CDH2: variants seen among roughly 807,000 people sequenced by gnomAD.
CDH2 encodes the protein cadherin 2.
A neutral mutation model predicts 92.0 loss-of-function variants in CDH2; 17 were observed. The ratio of observed to expected loss-of-function variants is 0.18; its 90% CI spans 0.13 to 0.28. CDH2 has a LOEUF of 0.28. CDH2 is among the 10% of genes least tolerant of loss of function. The probability of loss-of-function intolerance (pLI) is 1.00; values close to 1 mark genes in which losing one functional copy is unlikely to be tolerated. For missense variants in CDH2, 862 were observed against 1,133.1 expected (o/e 0.76, Z 3.44); for synonymous variants, 419 against 415.9 (o/e 1.01, Z -0.09).
intron 1 of CDH2, among the ~76,000 whole-genome samples, chr18:28,161,779 T>C (rs2016310147): frequency 6.6e-6 from 1 of 152,058 alleles, no homozygotes; most frequent in African/African-American, 2.4e-5. Context: ...GTAAACCTCA[T>C]CCTCTACTTC....
intron 2 of CDH2, among the ~76,000 whole-genome samples, chr18:28,064,083 T>C (rs890206860): frequency 6.6e-6 from 1 of 150,726 alleles, no homozygotes; most frequent in Non-Finnish European, 1.5e-5. Context: ...TCTCCAGACA[T>C]GTCTGGATGA....
chr18:28,096,416 T>G (rs2015136163), intron 2 of CDH2, among the ~76,000 whole-genome samples: 1 of 151,964 alleles, frequency 6.6e-6, no homozygotes, highest in Non-Finnish European at 1.5e-5. Flanking sequence ...TCTTTTTTTT[T>G]TTTTTTAACA....
intron 14 of CDH2, among the ~76,000 whole-genome samples, chr18:27,982,247 A>T (rs1490497742): frequency 6.6e-6 from 1 of 152,226 alleles, no homozygotes; most frequent in Non-Finnish European, 1.5e-5. Flanking sequence ...GCTTCAGAGC[A>T]GATGGAGATT....
chr18:28,163,580 C>T (rs2016336935), intron 1 of CDH2, among the ~76,000 whole-genome samples: 1 of 152,182 alleles, frequency 6.6e-6, no homozygotes, highest in Admixed American at 6.5e-5. Context: ...AGAATGCTGA[C>T]AGCAGCAAAA....
chr18:28,165,453 A>G lies in CDH2; in HGVS notation c.60+11510T>C, dbSNP rs191587990. On this transcript the variant is annotated intron_variant, in intron 1 of 15. Transcript: ENST00000269141. ...GCTATCCTCTGGCCTCAGCCTCCCA[A>G]AGTATTGGAATTACAACTGTGAGCC... 7.0e-4 allele frequency among the ~76,000 whole-genome samples: 106 copies of G among 152,260 alleles called. 1 individual carries two copies. The highest frequency in any genetic ancestry group is 6.9e-3 in the Admixed American group (106 of 15,302).
intron 2 of CDH2, among the ~76,000 whole-genome samples, chr18:28,030,386 G>A (rs530208880): frequency 3.9e-5 from 6 of 152,158 alleles, no homozygotes; most frequent in South Asian, 2.1e-4. Flanking sequence ...ATATAGAAAT[G>A]AGGTATGAAG....
chr18:28,064,702 G>A (rs2014473774), intron 2 of CDH2, among the ~76,000 whole-genome samples: 1 of 151,182 alleles, frequency 6.6e-6, no homozygotes, highest in African/African-American at 2.4e-5. Context: ...TTTAACAAAA[G>A]TATGAACTAT....
At chr18:28,009,971 C>G (rs556674098) in intron 4 of CDH2, 99 bp from the exon 5 acceptor site, 6 of 834,842 alleles carry the variant, frequency 7.2e-6, no homozygotes, top group Non-Finnish European at 8.7e-6. Flanking sequence ...CAGCTACAAA[C>G]TTATACCATC....
intron 15 of CDH2, among the ~76,000 whole-genome samples, chr18:27,957,162 T>C (rs1465423046): frequency 5.5e-5 from 4 of 72,514 alleles, no homozygotes; most frequent in African/African-American, 1.6e-4. Context: ...AAAAGCTCAT[T>C]AAAAATATCA....
intron 1 of CDH2, among the ~76,000 whole-genome samples, chr18:28,156,616 ACAGCATGTCACCTTCCCAGGTG>A (rs1430893482): frequency 4.1e-5 from 4 of 97,704 alleles, no homozygotes; most frequent in Non-Finnish European, 6.0e-5. Flanking sequence ...CTTCCCAGGT[ACAGCATGTCACCTTCCCAGGTG>A]CAGCATGTCA....
intron 1 of CDH2, among the ~76,000 whole-genome samples, chr18:28,171,908 C>T (rs2016469876): frequency 6.6e-5 from 10 of 152,194 alleles, no homozygotes; most frequent in Admixed American, 6.5e-4. Flanking sequence ...GCCCTTGACA[C>T]TACACAAGGG....
chr18:27,965,990 G>GAAAA lies in CDH2; in HGVS notation c.2350-2473_2350-2470dup, dbSNP rs373927434. ...GCGACAGAAAGACTCTGTCTAAAAG[G>GAAAA]AAAAAAAAAAAAAAAAAAAAAAAAA... is the stretch of plus-strand genomic sequence containing the variant. On this transcript the variant is annotated intron_variant, in intron 14 of 15. Transcript: ENST00000269141. Among the ~76,000 whole-genome samples, 136 of 58,660 alleles carry GAAAA rather than the reference G, an allele frequency of 2.3e-3. 4 individuals are homozygous for GAAAA. Among genetic ancestry groups the GAAAA allele is most frequent in the African/African-American group, 8.0e-3 (109 of 13,698 alleles). 38.5% of individuals were successfully genotyped at this position (58,660 alleles called of 152,430 possible).
intron 2 of CDH2, among the ~76,000 whole-genome samples, chr18:28,102,326 A>G (rs755187385): frequency 3.9e-4 from 60 of 152,182 alleles, no homozygotes; most frequent in Non-Finnish European, 7.6e-4. Context: ...AGAATTGTTA[A>G]TAAGAAATGA....
chr18:27,994,177 C>T (rs1444479052), intron 7 of CDH2, among the ~76,000 whole-genome samples: 4 of 152,110 alleles, frequency 2.6e-5, no homozygotes, highest in Non-Finnish European at 4.4e-5. Context: ...TGATTCAAAA[C>T]CATATAGAAG....
intron 6 of CDH2, among the ~76,000 whole-genome samples, chr18:27,933,316 G>A (rs778562803): frequency 2.5e-4 from 38 of 152,060 alleles, no homozygotes; most frequent in Admixed American, 4.6e-4. Flanking sequence ...GAATATCTTG[G>A]TTCAAGAGCA....
At chr18:28,140,842 CA>C (rs2015940918) in intron 2 of CDH2, among the ~76,000 whole-genome samples, 1 of 149,788 alleles carries the variant, frequency 6.7e-6, no homozygotes, top group Admixed American at 6.7e-5. Flanking sequence ...CAAAGGTAAA[CA>C]ACTCAATTTA....
chr18:28,130,054 C>T (rs2015740655), intron 2 of CDH2, among the ~76,000 whole-genome samples: 1 of 152,126 alleles, frequency 6.6e-6, no homozygotes, highest in Non-Finnish European at 1.5e-5. Context: ...AAAACAGATA[C>T]ACAATCACCA....
At chr18:28,159,518 G>C (rs1020348453) in intron 1 of CDH2, among the ~76,000 whole-genome samples, 3 of 152,154 alleles carry the variant, frequency 2.0e-5, no homozygotes, top group African/African-American at 4.8e-5. Flanking sequence ...CCCTTTCAAA[G>C]ACTTCAGCAC....
intron 2 of CDH2, among the ~76,000 whole-genome samples, chr18:28,031,502 C>T (rs903996019): frequency 1.3e-5 from 2 of 152,098 alleles, no homozygotes; most frequent in African/African-American, 4.8e-5. Flanking sequence ...ACACACAGAA[C>T]AAAATCCTTA....
Sources: gnomAD v4.1 joint callset for allele counts (sites outside exome capture counted in the v4.1 genomes callset) on GRCh38, gnomAD v4.1.1 for gene constraint, MANE v1.5 for transcripts, NCBI Gene and HGNC (gene_info 2026-07-23, HGNC 2026-07-21) for gene names.